The following METTL6 variants were observed in gnomAD, a reference collection of about 807,000 sequenced individuals.
METTL6 encodes the protein tRNA N(3)-cytidine methyltransferase METTL6.
METTL6 carries 22 observed loss-of-function variants against 26.4 expected under a neutral mutation model. The observed-to-expected ratio is 0.83, with a 90% CI of 0.59 to 1.19. The LOEUF is 1.19. METTL6 is among the 50% of genes most tolerant of loss of function. The pLI is 0.00. For missense variants in METTL6, 304 were observed against 324.8 expected (o/e 0.94, Z 0.49); for synonymous variants, 109 against 116.2 (o/e 0.94, Z 0.40).
At chr3:15,392,888 T>C (rs1699388048) in intron 6 of METTL6, among the ~76,000 whole-genome samples, 1 of 152,206 alleles carries the variant, frequency 6.6e-6, no homozygotes, top group Non-Finnish European at 1.5e-5. Context: ...CATGCTGTTT[T>C]GCTTACTGTA....
intron 6 of METTL6, among the ~76,000 whole-genome samples, chr3:15,393,512 G>A (rs1469371390): frequency 4.6e-5 from 7 of 152,122 alleles, no homozygotes; most frequent in Non-Finnish European, 8.8e-5. Flanking sequence ...TGATTTCCCT[G>A]GCCAGAACTT....
rs1193737548 is a variant in METTL6, at chr3:15,415,753, C to T, written c.531+19G>A. The stretch of plus-strand genomic sequence containing the variant: ...ATCCAGACTGTCCAACCCTCAAGTG[C>T]AGGCCCCAAATCACTAACCTTGTAA... On this transcript the variant is annotated intron_variant, in intron 4 of 5. Transcript: ENST00000383790. The T allele has an allele frequency of 6.2e-7, 1 of 1,610,424 alleles. No homozygotes were observed. Among genetic ancestry groups the T allele is most frequent in the African/African-American group, 1.3e-5 (1 of 74,900 alleles).
chr3:15,425,158 G>T, intron 2 of METTL6, 69 bp from the exon 3 acceptor site: 2 of 1,571,306 alleles, frequency 1.3e-6, no homozygotes, highest in Non-Finnish European at 1.7e-6. Context: ...CAAACTAAAA[G>T]GTCCAGAATA....
At chr3:15,423,809 G>C (rs576139825) in intron 3 of METTL6, among the ~76,000 whole-genome samples, 80 of 152,180 alleles carry the variant, frequency 5.3e-4, no homozygotes, top group Non-Finnish European at 1.5e-4. Flanking sequence ...GCTTGAGCCA[G>C]GGGGGTCAAG....
intron 6 of METTL6, among the ~76,000 whole-genome samples, chr3:15,386,610 G>A (rs906505960): frequency 3.9e-5 from 6 of 152,086 alleles, no homozygotes; most frequent in African/African-American, 1.4e-4. Context: ...TGTGCAGTAT[G>A]TTTACTGAAG....
chr3:15,392,464 G>A (rs1216419815), intron 6 of METTL6, among the ~76,000 whole-genome samples: 2 of 152,096 alleles, frequency 1.3e-5, no homozygotes, highest in African/African-American at 2.4e-5. Flanking sequence ...CACTCTGATG[G>A]TGGTTTCTTT....
At chr3:15,424,382 T>A (rs1348543581) in intron 3 of METTL6, among the ~76,000 whole-genome samples, 2 of 152,196 alleles carry the variant, frequency 1.3e-5, no homozygotes, top group Admixed American at 1.3e-4. Context: ...TCTTCCCACC[T>A]CAGCCTCCCA....
chr3:15,411,498 C>T, intron 5 of METTL6, 61 bp from the exon 6 acceptor site: 2 of 1,507,784 alleles, frequency 1.3e-6, no homozygotes, highest in Non-Finnish European at 1.8e-6. Context: ...GCTTTGCAGT[C>T]CTTGAGGAGG....
At chr3:15,386,416 T>C (rs982621342) in intron 6 of METTL6, among the ~76,000 whole-genome samples, 1 of 151,036 alleles carries the variant, frequency 6.6e-6, no homozygotes, top group African/African-American at 2.4e-5. Flanking sequence ...GGAATGAGAG[T>C]TTATTAAAAA....
At chr3:15,405,041 G>C (rs988804803), downstream of METTL6, among the ~76,000 whole-genome samples, 1 of 152,148 alleles carries the variant, frequency 6.6e-6, no homozygotes, top group Non-Finnish European at 1.5e-5. Flanking sequence ...TAATATCTGC[G>C]TGAGGCAGAC....
chr3:15,426,293 A>T lies in METTL6; in HGVS notation c.219T>A (p.Cys73Ter). The change falls in exon 2 of 6, where the codon TGT (cysteine) becomes TGA (stop). Residue 73 changes from cysteine to a stop codon, truncating the protein, a stop_gained. Transcript: ENST00000383790. LOFTEE classifies it high-confidence loss of function. ...TTREFEELRS[C>*]REFEDQKLTM... The stretch of plus-strand genomic sequence containing the variant: ...AGGCGTAATATTAGCTTACCTCTCT[A>T]CATGATCTTAGCTCCTCAAACTCTC... 6.2e-7 allele frequency: 1 copy of T among 1,613,484 alleles called. No homozygotes were observed. The highest frequency in any genetic ancestry group is 8.5e-7 in the Non-Finnish European group (1 of 1,179,468).
chr3:15,398,724 C>T (rs533007221), intron 6 of METTL6, among the ~76,000 whole-genome samples: 2 of 152,186 alleles, frequency 1.3e-5, no homozygotes, highest in Non-Finnish European at 1.5e-5. Context: ...GTCCCATGTA[C>T]CTGTAGTCCT....
chr3:15,383,788 A>G (rs1575378006), exon 7 of METTL6: 1 of 152,626 alleles, frequency 6.6e-6, no homozygotes, highest in African/African-American at 2.4e-5. Context: ...CTGAGTCTTA[A>G]GCCAGCAGGG....
intron 3 of METTL6, among the ~76,000 whole-genome samples, chr3:15,416,888 T>C (rs1436203087): frequency 2.0e-5 from 3 of 152,220 alleles, no homozygotes; most frequent in Non-Finnish European, 4.4e-5. Context: ...ATTCTATTCA[T>C]AATTCCATTT....
chr3:15,387,099 G>A (rs1699220710), intron 6 of METTL6, among the ~76,000 whole-genome samples: 1 of 152,106 alleles, frequency 6.6e-6, no homozygotes, highest in Admixed American at 6.5e-5. Context: ...TGCCCAGTTA[G>A]TTTCAGGTGT....
chr3:15,426,276 TA>T lies in METTL6; in HGVS notation c.225+10del. 6.2e-7 allele frequency: 1 copy of T among 1,611,540 alleles called. No individual in the cohort carries two copies. The highest frequency in any genetic ancestry group is 8.5e-7 in the Non-Finnish European group (1 of 1,177,892). On this transcript the variant is annotated intron_variant, in intron 2 of 5. Transcript: ENST00000383790. ...GAAGAACAGCTCAGATAAGGCGTAA[TA>T]TTAGCTTACCTCTCTACATGATCTT...
At chr3:15,401,553 A>AAG (rs1553626463) in intron 6 of METTL6, among the ~76,000 whole-genome samples, 1 of 150,826 alleles carries the variant, frequency 6.6e-6, no homozygotes, top group African/African-American at 2.4e-5. Context: ...AAAAAAAAAA[A>AAG]AAAAGAAAGA....
At chr3:15,394,658 C>G (rs1281546063) in intron 6 of METTL6, among the ~76,000 whole-genome samples, 4 of 152,236 alleles carry the variant, frequency 2.6e-5, no homozygotes, top group African/African-American at 9.6e-5. Flanking sequence ...TCCCTGTACA[C>G]ACTGCTTTGA....
At chr3:15,417,618 C>G (rs1220722404) in intron 3 of METTL6, among the ~76,000 whole-genome samples, 1 of 151,888 alleles carries the variant, frequency 6.6e-6, no homozygotes, top group Non-Finnish European at 1.5e-5. Flanking sequence ...AGTCCCAAAA[C>G]AGACCTGTAT....
Sources: gnomAD v4.1 joint callset for allele counts (sites outside exome capture counted in the v4.1 genomes callset) on GRCh38, gnomAD v4.1.1 for gene constraint, MANE v1.5 for transcripts, NCBI Gene and HGNC (gene_info 2026-07-23, HGNC 2026-07-21) for gene names.